Variants in PDE4B observed in about 807,000 individuals in gnomAD.
PDE4B encodes 3',5'-cyclic-AMP phosphodiesterase 4B.
A neutral mutation model predicts 82.2 loss-of-function variants in PDE4B; 20 were observed. The observed-to-expected ratio is 0.24, with a 90% CI of 0.17 to 0.35. The LOEUF is 0.35. Ranked by LOEUF, PDE4B falls within the 10% of genes least tolerant of loss-of-function variation. The probability of loss-of-function intolerance (pLI) is 1.00; values close to 1 mark genes in which losing one functional copy is unlikely to be tolerated. For synonymous variants in PDE4B, 320 were observed against 318.9 expected, an observed-to-expected ratio of 1.00 and a Z score of -0.04; for missense variants, 655 against 907.2, an observed-to-expected ratio of 0.72 and a Z score of 3.57.
chr1:66,261,844 G>C lies in PDE4B; in HGVS notation c.584+3981G>C, dbSNP rs1654705103. On this transcript the variant is annotated intron_variant, in intron 6 of 16. Transcript: ENST00000341517. ...ATTTTGAAAATATGGCTTTCATTTA[G>C]AGTTGTTAATTCAGATAAGCGTTCT... Among the ~76,000 whole-genome samples, 6 of 152,290 alleles carry C rather than the reference G, an allele frequency of 3.9e-5. No individual in the cohort carries two copies. In the South Asian group the frequency reaches 1.2e-3, roughly 32 times the overall value.
At chr1:65,871,569 G>A (rs946809200) in intron 1 of PDE4B, among the ~76,000 whole-genome samples, 3 of 152,150 alleles carry the variant, frequency 2.0e-5, no homozygotes, top group Non-Finnish European at 4.4e-5. Context: ...ATAATGCCTG[G>A]CACATAGCTA....
chr1:66,194,633 C>T (rs762565209), intron 3 of PDE4B, among the ~76,000 whole-genome samples: 3 of 152,082 alleles, frequency 2.0e-5, no homozygotes, highest in Non-Finnish European at 4.4e-5. Flanking sequence ...ACTCCAATTT[C>T]GTACTCCATG....
At chr1:66,087,906 A>G (rs1232131132) in intron 3 of PDE4B, among the ~76,000 whole-genome samples, 2 of 150,352 alleles carry the variant, frequency 1.3e-5, no homozygotes, top group African/African-American at 4.9e-5. Context: ...ATTGGGAGAT[A>G]TACCTAATGC....
chr1:65,922,104 A>G (rs577916922), intron 3 of PDE4B, among the ~76,000 whole-genome samples: 2 of 152,222 alleles, frequency 1.3e-5, no homozygotes, highest in African/African-American at 2.4e-5. Flanking sequence ...ATGGAGCAAG[A>G]AAGAGTTAGA....
chr1:66,278,995 C>G (rs762669389), intron 7 of PDE4B, among the ~76,000 whole-genome samples: 1 of 152,078 alleles, frequency 6.6e-6, no homozygotes, highest in Non-Finnish European at 1.5e-5. Flanking sequence ...TCCTTTATTC[C>G]TTCCCTCTCA....
At chr1:65,976,877 A>G (rs556216452) in intron 3 of PDE4B, among the ~76,000 whole-genome samples, 119 of 152,286 alleles carry the variant, frequency 7.8e-4, no homozygotes, top group Non-Finnish European at 1.2e-3. Flanking sequence ...TTCTTCATAA[A>G]TTACTCAGTC....
chr1:66,009,876 T>C (rs532942242), intron 3 of PDE4B, among the ~76,000 whole-genome samples: 2 of 152,034 alleles, frequency 1.3e-5, no homozygotes, highest in African/African-American at 4.8e-5. Flanking sequence ...TATATCTACA[T>C]CTATTTCATA....
chr1:66,105,900 C>A (rs554476562), intron 3 of PDE4B, among the ~76,000 whole-genome samples: 1 of 152,182 alleles, frequency 6.6e-6, no homozygotes, highest in East Asian at 1.9e-4. Flanking sequence ...TACAATTTGA[C>A]TTCCTCTTTT....
chr1:66,206,308 T>G (rs1268294604), intron 3 of PDE4B, among the ~76,000 whole-genome samples: 2 of 152,182 alleles, frequency 1.3e-5, no homozygotes, highest in Non-Finnish European at 2.9e-5. Context: ...TCTGATTCAG[T>G]GTCCCTGAAC....
chr1:66,081,415 T>A (rs1047415060), intron 3 of PDE4B, among the ~76,000 whole-genome samples: 3 of 152,158 alleles, frequency 2.0e-5, no homozygotes, highest in African/African-American at 7.2e-5. Flanking sequence ...ACTTTCCACA[T>A]AGAATTTCAA....
rs544856951 is a variant in PDE4B, at chr1:65,993,900, C to T, written c.281+75065C>T. On this transcript the variant is annotated intron_variant, in intron 3 of 16. Transcript: ENST00000341517. ...AAGGTATGTAAATATAGTAGGGTAA[C>T]GTCCTTAAACAGTATAATGATGAAA... Among the ~76,000 whole-genome samples, 30 of 152,124 alleles carry T rather than the reference C, an allele frequency of 2.0e-4. No homozygotes were observed. The South Asian group carries it at 5.4e-3, about 27-fold the overall frequency.
intron 3 of PDE4B, among the ~76,000 whole-genome samples, chr1:66,042,915 C>A (rs988918390): frequency 1.3e-5 from 2 of 151,754 alleles, no homozygotes; most frequent in Non-Finnish European, 2.9e-5. Flanking sequence ...CAAATTGGAA[C>A]TGTACTTCAG....
intron 3 of PDE4B, among the ~76,000 whole-genome samples, chr1:66,074,795 TGTA>T (rs1490760775): frequency 6.6e-6 from 1 of 152,170 alleles, no homozygotes; most frequent in Non-Finnish European, 1.5e-5. Context: ...TCATCTATGG[TGTA>T]GTATATGTCA....
chr1:66,292,376 A>T (rs1223490773), intron 7 of PDE4B, among the ~76,000 whole-genome samples: 3 of 152,188 alleles, frequency 2.0e-5, no homozygotes. Context: ...TAAGCAACCC[A>T]AGATCTCATA....
intron 4 of PDE4B, among the ~76,000 whole-genome samples, chr1:66,250,919 C>T (rs935262859): frequency 2.0e-5 from 3 of 152,128 alleles, no homozygotes; most frequent in Admixed American, 6.5e-5. Flanking sequence ...CCACCATTTA[C>T]GTGTGGACTA....
intron 7 of PDE4B, chr1:66,332,166 T>C: frequency 7.2e-7 from 1 of 1,381,870 alleles, no homozygotes; most frequent in Admixed American, 3.1e-5. Context: ...AGAAAACTCT[T>C]TGGTGCTTCT....
At chr1:65,834,165 C>T (rs7521325) in intron 1 of PDE4B, among the ~76,000 whole-genome samples, 106,705 of 152,028 alleles carry the variant, frequency 0.7, 38,869 homozygotes, top group Non-Finnish European at 0.81. Context: ...CTGCCTCAGC[C>T]TCCAGAGTAG....
intron 1 of PDE4B, among the ~76,000 whole-genome samples, chr1:65,816,190 A>AGTGTGTGTGCGTGT (rs1645881527): frequency 7.5e-6 from 1 of 132,798 alleles, no homozygotes; most frequent in Non-Finnish European, 1.6e-5. Flanking sequence ...TTATTAATGC[A>AGTGTGTGTGCGTGT]GTGTGTGTGT....
chr1:66,270,330 A>G (rs1425476781), intron 7 of PDE4B, among the ~76,000 whole-genome samples: 1 of 152,060 alleles, frequency 6.6e-6, no homozygotes, highest in Non-Finnish European at 1.5e-5. Context: ...CTCCTTGGAA[A>G]CCTATTTCTC....
Sources: gnomAD v4.1 joint callset for allele counts (sites outside exome capture counted in the v4.1 genomes callset) on GRCh38, gnomAD v4.1.1 for gene constraint, MANE v1.5 for transcripts, NCBI Gene and HGNC (gene_info 2026-07-23, HGNC 2026-07-21) for gene names.